The following GRID1 variants were observed in gnomAD, a reference collection of about 807,000 sequenced individuals.
GRID1 encodes the protein glutamate receptor ionotropic, delta-1.
GRID1 carries 28 observed loss-of-function variants against 98.0 expected under a neutral mutation model. The ratio of observed to expected loss-of-function variants is 0.29; its 90% CI spans 0.21 to 0.39. The LOEUF is 0.39. Ranked by LOEUF, GRID1 falls within the 10% of genes least tolerant of loss-of-function variation. The pLI, the probability that GRID1 is intolerant of heterozygous loss-of-function variation, is 1.00. For synonymous variants in GRID1, 553 were observed against 538.5 expected (o/e 1.03, Z -0.37); for missense variants, 1,111 against 1,340.5 (o/e 0.83, Z 2.67).
chr10:86,072,558 T>G, intron 4 of GRID1, among the ~76,000 whole-genome samples: 1 of 152,184 alleles, frequency 6.6e-6, no homozygotes, highest in East Asian at 1.9e-4. Flanking sequence ...GCAGAGGTAA[T>G]TAAAGATAGC....
intron 8 of GRID1, among the ~76,000 whole-genome samples, chr10:85,747,426 T>C (rs960329687): frequency 5.3e-5 from 8 of 152,168 alleles, no homozygotes; most frequent in African/African-American, 1.9e-4. Flanking sequence ...GAGGTCAGCA[T>C]TTTGCAAGCT....
intron 2 of GRID1, among the ~76,000 whole-genome samples, chr10:86,210,496 A>G (rs1846093077): frequency 6.6e-6 from 1 of 152,224 alleles, no homozygotes; most frequent in Non-Finnish European, 1.5e-5. Flanking sequence ...AAGATGCTGA[A>G]CAGATGTCAG....
chr10:86,274,096 G>A (rs971709199), intron 2 of GRID1, among the ~76,000 whole-genome samples: 9 of 152,298 alleles, frequency 5.9e-5, no homozygotes, highest in African/African-American at 2.2e-4. Flanking sequence ...TGTATAAGGT[G>A]TAAGGAAGGG....
chr10:85,602,500 T>A lies in GRID1; in HGVS notation c.2803A>T (p.Ser935Cys). 2 of 1,614,082 alleles carry A rather than the reference T, an allele frequency of 1.2e-6. No homozygotes were observed. The highest frequency in any genetic ancestry group is 1.7e-6 in the Non-Finnish European group (2 of 1,180,014). ...LSVSTFLPEQ[S>C]SHGTSRTLSS... ...AGTGTCCGGCTGGTGCCATGGCTGC[T>A]CTGCTCTGGCAGAAAGGTGCTGACC... Residue 935 changes from serine to cysteine, a missense_variant, in exon 16 of 16, where the codon AGC (serine) becomes TGC (cysteine). Coordinates refer to ENST00000327946, the MANE Select transcript of GRID1 (RefSeq NM_017551.3).
intron 4 of GRID1, among the ~76,000 whole-genome samples, chr10:85,928,600 C>T (rs973799286): frequency 2.6e-5 from 4 of 152,202 alleles, no homozygotes; most frequent in South Asian, 4.1e-4. Context: ...TTCACTATTG[C>T]GGAGCCCTCA....
intron 4 of GRID1, among the ~76,000 whole-genome samples, chr10:86,089,218 A>C (rs962993957): frequency 6.6e-6 from 1 of 152,208 alleles, no homozygotes; most frequent in Admixed American, 6.5e-5. Flanking sequence ...GTGTCAGTGA[A>C]GGCCATCTGG....
At chr10:86,226,256 C>T (rs1846341962) in intron 2 of GRID1, among the ~76,000 whole-genome samples, 1 of 151,744 alleles carries the variant, frequency 6.6e-6, no homozygotes, top group Non-Finnish European at 1.5e-5. Context: ...ATATGCAAAG[C>T]TATTGAAAAG....
intron 12 of GRID1, chr10:85,650,055 A>G (rs1443075967): frequency 1.3e-5 from 2 of 152,252 alleles, no homozygotes; most frequent in East Asian, 1.9e-4. Context: ...ATGGAAGGCT[A>G]TCTGGGGTGT....
chr10:86,223,981 A>G (rs1400705886), intron 2 of GRID1, among the ~76,000 whole-genome samples: 3 of 152,236 alleles, frequency 2.0e-5, no homozygotes, highest in African/African-American at 4.8e-5. Flanking sequence ...AAGGACCAGC[A>G]GGTGATAAAC....
intron 4 of GRID1, among the ~76,000 whole-genome samples, chr10:85,969,202 C>T (rs1842376275): frequency 6.6e-6 from 1 of 152,110 alleles, no homozygotes; most frequent in African/African-American, 2.4e-5. Context: ...CAAAAATTGA[C>T]AGTATTGAAG....
intron 4 of GRID1, among the ~76,000 whole-genome samples, chr10:86,094,959 T>C (rs965163165): frequency 1.3e-5 from 2 of 152,122 alleles, no homozygotes; most frequent in African/African-American, 4.8e-5. Context: ...TGTAAGGCCA[T>C]AGCCACCAAA....
chr10:85,636,073 A>G (rs1843037206), intron 13 of GRID1, among the ~76,000 whole-genome samples: 1 of 152,204 alleles, frequency 6.6e-6, no homozygotes, highest in Non-Finnish European at 1.5e-5. Flanking sequence ...GAGAAACTTA[A>G]CCTCACACCT....
chr10:86,319,131 G>A (rs1024746884), intron 2 of GRID1, among the ~76,000 whole-genome samples: 2 of 152,174 alleles, frequency 1.3e-5, no homozygotes, highest in Admixed American at 6.5e-5. Flanking sequence ...GGAGCAAGGA[G>A]TAGGCCACTG....
intron 2 of GRID1, among the ~76,000 whole-genome samples, chr10:86,349,661 G>A (rs1848436640): frequency 6.6e-6 from 1 of 152,230 alleles, no homozygotes; most frequent in South Asian, 2.1e-4. Flanking sequence ...CCTACAGGGG[G>A]CAGGACAGGG....
At chr10:86,173,573 T>TTTTA (rs777722321) in intron 3 of GRID1, among the ~76,000 whole-genome samples, 2,016 of 28,838 alleles carry the variant, frequency 0.07, 25 homozygotes, top group Non-Finnish European at 0.093. Flanking sequence ...CTTTTCTTTT[T>TTTTA]TTTTATTTTA....
chr10:86,125,965 G>C (rs750989265), intron 4 of GRID1, among the ~76,000 whole-genome samples: 23 of 152,200 alleles, frequency 1.5e-4, no homozygotes, highest in Non-Finnish European at 2.9e-4. Context: ...GTAAGCTTTA[G>C]GAGTTAAGTT....
intron 2 of GRID1, among the ~76,000 whole-genome samples, chr10:86,336,733 T>C (rs1305803109): frequency 6.6e-6 from 1 of 152,206 alleles, no homozygotes; most frequent in African/African-American, 2.4e-5. Flanking sequence ...CCTGGCTCCA[T>C]GGGAACATGG....
chr10:86,226,171 C>T (rs1040618814), intron 2 of GRID1, among the ~76,000 whole-genome samples: 2 of 151,974 alleles, frequency 1.3e-5, no homozygotes, highest in Admixed American at 6.6e-5. Context: ...AGGGGACCTG[C>T]CTGTTTCCCG....
chr10:85,779,673 G>A (rs1381849128), intron 8 of GRID1, among the ~76,000 whole-genome samples: 2 of 152,102 alleles, frequency 1.3e-5, no homozygotes, highest in Non-Finnish European at 2.9e-5. Flanking sequence ...AATGTGACGA[G>A]GTTAATTACA....
Sources: gnomAD v4.1 joint callset for allele counts (sites outside exome capture counted in the v4.1 genomes callset) on GRCh38, gnomAD v4.1.1 for gene constraint, MANE v1.5 for transcripts, NCBI Gene and HGNC (gene_info 2026-07-23, HGNC 2026-07-21) for gene names.